The following AK5 variants were observed in gnomAD, a reference collection of about 807,000 sequenced individuals.
The protein encoded by AK5 is adenylate kinase isoenzyme 5.
In AK5, 27 loss-of-function variants were observed where a neutral mutation model predicts 69.5. That is an observed-to-expected ratio of 0.39 (90% CI 0.29 to 0.54). The LOEUF (loss-of-function observed/expected upper bound fraction) is 0.54. Among genes scored for constraint, AK5 ranks in the 20% least tolerant of loss-of-function variants. The probability of loss-of-function intolerance (pLI) is 0.71; values close to 1 mark genes in which losing one functional copy is unlikely to be tolerated. For missense variants in AK5, 531 were observed against 700.4 expected (o/e 0.76, Z 2.73); for synonymous variants, 260 against 244.4 (o/e 1.06, Z -0.60).
At chr1:77,554,645 G>A (rs1259055475) in intron 13 of AK5, among the ~76,000 whole-genome samples, 9 of 152,004 alleles carry the variant, frequency 5.9e-5, no homozygotes, top group Admixed American at 3.3e-4. Flanking sequence ...TCACTCTGTT[G>A]CCCAGGCTGG....
intron 11 of AK5, 104 bp downstream of exon 11, chr1:77,518,831 A>G (rs1377173299): frequency 8.6e-7 from 1 of 1,160,122 alleles, no homozygotes; most frequent in African/African-American, 1.5e-5. Flanking sequence ...ACCCAAAGAA[A>G]CAATAGCTGT....
rs577452934 is a variant in AK5, at chr1:77,514,027, G to A, written c.1148-4537G>A. Reference sequence around the variant, plus strand: ...CCCTTCCTTCTGTGGCAATGCTGTCGAGACCTGTAGGGAAATGACTTACTC... The same window carrying A: ...CCCTTCCTTCTGTGGCAATGCTGTCAAGACCTGTAGGGAAATGACTTACTC... On this transcript the variant is annotated intron_variant, in intron 10 of 13. Transcript: ENST00000354567. 9.2e-5 allele frequency among the ~76,000 whole-genome samples: 14 copies of A among 152,266 alleles called. No homozygotes were observed. The South Asian group carries it at 2.3e-3, about 25-fold the overall frequency.
chr1:77,411,415 C>T (rs185882844), intron 7 of AK5, among the ~76,000 whole-genome samples: 170 of 152,240 alleles, frequency 1.1e-3, no homozygotes, highest in Non-Finnish European at 1.6e-3. Context: ...CTAACTCATA[C>T]GATAGGTTTC....
intron 5 of AK5, chr1:77,313,700 C>A (rs770977788): frequency 6.7e-6 from 3 of 447,634 alleles, no homozygotes; most frequent in Non-Finnish European, 9.1e-6. Flanking sequence ...GCTGGCAGAA[C>A]TGGGTTTGTG....
intron 5 of AK5, among the ~76,000 whole-genome samples, chr1:77,304,601 C>G (rs1300298377): frequency 6.6e-6 from 1 of 152,096 alleles, no homozygotes; most frequent in African/African-American, 2.4e-5. Context: ...CACGGGGTTT[C>G]TCCATGTTGG....
chr1:77,371,384 C>T (rs1647120006), intron 6 of AK5: 1 of 152,232 alleles, frequency 6.6e-6, no homozygotes, highest in South Asian at 2.1e-4. Context: ...GCCAGGAGAT[C>T]TCCAGGTGGA....
intron 6 of AK5, among the ~76,000 whole-genome samples, chr1:77,368,245 A>ATATATATATTTTATATATAT (rs376578923): frequency 1.5e-5 from 1 of 67,908 alleles, no homozygotes; most frequent in Non-Finnish European, 2.9e-5. Context: ...ATATATATAT[A>ATATATATATTTTATATATAT]TATATATAAT....
At chr1:77,327,947 C>T (rs1660890019) in intron 5 of AK5, among the ~76,000 whole-genome samples, 1 of 152,152 alleles carries the variant, frequency 6.6e-6, no homozygotes, top group Non-Finnish European at 1.5e-5. Flanking sequence ...AAATATATTA[C>T]TCCCATGTAT....
chr1:77,548,013 G>T (rs1035878149), intron 13 of AK5, among the ~76,000 whole-genome samples: 3 of 152,144 alleles, frequency 2.0e-5, no homozygotes, highest in South Asian at 4.1e-4. Flanking sequence ...AGGTGTTTTA[G>T]AGAGGTCATT....
chr1:77,287,586 A>G (rs72677859), intron 2 of AK5, among the ~76,000 whole-genome samples: 1 of 152,186 alleles, frequency 6.6e-6, no homozygotes, highest in Non-Finnish European at 1.5e-5. Flanking sequence ...TGTAAAGTTT[A>G]TACTAGTGAT....
chr1:77,490,782 CTT>C (rs374394627), intron 10 of AK5, among the ~76,000 whole-genome samples: 24 of 139,900 alleles, frequency 1.7e-4, no homozygotes, highest in Non-Finnish European at 2.2e-4. Context: ...TTCCTTTTTT[CTT>C]TTTTTTTTTT....
intron 8 of AK5, among the ~76,000 whole-genome samples, chr1:77,423,390 T>C (rs138095028): frequency 1.1e-3 from 170 of 152,126 alleles, no homozygotes; most frequent in African/African-American, 4.0e-3. Context: ...CACCTCTTCT[T>C]CAACTAAGTG....
intron 6 of AK5, among the ~76,000 whole-genome samples, chr1:77,385,152 T>TTTTTGTTTTG (rs1355869008): frequency 6.6e-6 from 1 of 151,938 alleles, no homozygotes; most frequent in African/African-American, 2.4e-5. Context: ...TGTTTTTTTG[T>TTTTTGTTTTG]TTTTGTTTTG....
chr1:77,435,811 T>C (rs1557591714), intron 8 of AK5, among the ~76,000 whole-genome samples: 1 of 152,214 alleles, frequency 6.6e-6, no homozygotes, highest in African/African-American at 2.4e-5. Flanking sequence ...TAGTTGTAAA[T>C]TAAGTTTTAA....
chr1:77,334,110 CTT>C (rs1236611692), intron 5 of AK5, among the ~76,000 whole-genome samples: 3 of 152,230 alleles, frequency 2.0e-5, no homozygotes, highest in African/African-American at 7.2e-5. Flanking sequence ...AAAGAATACT[CTT>C]TGATGTTTTA....
At chr1:77,344,727 G>C (rs1019550029) in intron 6 of AK5, among the ~76,000 whole-genome samples, 5 of 151,574 alleles carry the variant, frequency 3.3e-5, no homozygotes, top group Non-Finnish European at 7.4e-5. Context: ...CACCAAGTTG[G>C]AACACTTTTT....
intron 10 of AK5, among the ~76,000 whole-genome samples, chr1:77,498,192 A>G (rs1656470535): frequency 6.6e-6 from 1 of 152,206 alleles, no homozygotes; most frequent in African/African-American, 2.4e-5. Context: ...GGAAAGGTTC[A>G]CTAAAGTATA....
At chr1:77,498,782 G>T (rs1201799027) in intron 10 of AK5, among the ~76,000 whole-genome samples, 1 of 152,218 alleles carries the variant, frequency 6.6e-6, no homozygotes, top group Non-Finnish European at 1.5e-5. Flanking sequence ...TTGGAACAAG[G>T]AAAGGAACAA....
At chr1:77,448,116 G>A (rs1352272424) in intron 8 of AK5, among the ~76,000 whole-genome samples, 1 of 152,214 alleles carries the variant, frequency 6.6e-6, no homozygotes, top group Admixed American at 6.5e-5. Flanking sequence ...GTGGACAGCG[G>A]GTTGATGGCA....
Sources: allele counts gnomAD v4.1 joint callset (sites outside exome capture counted in the v4.1 genomes callset), GRCh38; gene constraint gnomAD v4.1.1; transcripts MANE v1.5; gene names NCBI Gene and HGNC (gene_info 2026-07-23, HGNC 2026-07-21).